NEDD9: variants seen among roughly 807,000 people sequenced by gnomAD.
NEDD9 encodes enhancer of filamentation 1.
A neutral mutation model predicts 76.6 loss-of-function variants in NEDD9; 26 were observed. The observed-to-expected ratio is 0.34, with a 90% CI of 0.25 to 0.47. NEDD9 has a LOEUF of 0.47. NEDD9 is among the 20% of genes least tolerant of loss of function. The probability of loss-of-function intolerance (pLI) is 1.00; values close to 1 mark genes in which losing one functional copy is unlikely to be tolerated. For synonymous variants in NEDD9, 392 were observed against 414.2 expected, an observed-to-expected ratio of 0.95 and a Z score of 0.65; for missense variants, 937 against 1,058.5, an observed-to-expected ratio of 0.89 and a Z score of 1.59.
chr6:11,298,663 T>C (rs1013338386), intron 3 of NEDD9, among the ~76,000 whole-genome samples: 1 of 152,254 alleles, frequency 6.6e-6, no homozygotes, highest in Non-Finnish European at 1.5e-5. Context: ...TGTTTCACTA[T>C]TCATAGAGAA....
intron 2 of NEDD9, among the ~76,000 whole-genome samples, chr6:11,308,771 C>T (rs1250437671): frequency 6.6e-6 from 1 of 152,094 alleles, no homozygotes; most frequent in Non-Finnish European, 1.5e-5. Context: ...TTAAGCCCCA[C>T]AAAAAATTGT....
chr6:11,295,809 C>T (rs1451960811), intron 3 of NEDD9, among the ~76,000 whole-genome samples: 2 of 152,180 alleles, frequency 1.3e-5, no homozygotes, highest in Non-Finnish European at 1.5e-5. Flanking sequence ...GCATGCCAAT[C>T]TCCATCTCAA....
intron 3 of NEDD9, among the ~76,000 whole-genome samples, chr6:11,259,983 C>CA (rs1225821376): frequency 1.3e-5 from 2 of 149,314 alleles, no homozygotes; most frequent in African/African-American, 4.9e-5. Flanking sequence ...ACCACAGAAA[C>CA]AAAGATCCTT....
At chr6:11,202,543 T>A (rs1758480570) in intron 2 of NEDD9, among the ~76,000 whole-genome samples, 1 of 152,218 alleles carries the variant, frequency 6.6e-6, no homozygotes, top group Non-Finnish European at 1.5e-5. Context: ...CTGCTTAAAA[T>A]CCAAGAGTAC....
intron 3 of NEDD9, among the ~76,000 whole-genome samples, chr6:11,292,792 G>C (rs746569745): frequency 6.6e-6 from 1 of 152,176 alleles, no homozygotes; most frequent in Non-Finnish European, 1.5e-5. Context: ...TCATGACAAG[G>C]AGGGAGGTGC....
intron 1 of NEDD9, among the ~76,000 whole-genome samples, chr6:11,360,507 G>C (rs1271741758): frequency 6.6e-6 from 1 of 152,136 alleles, no homozygotes; most frequent in Non-Finnish European, 1.5e-5. Context: ...TGTATCATGG[G>C]GGCAGATTTT....
At chr6:11,308,073 C>T (rs1170978996) in intron 2 of NEDD9, among the ~76,000 whole-genome samples, 3 of 152,140 alleles carry the variant, frequency 2.0e-5, no homozygotes, top group Non-Finnish European at 4.4e-5. Flanking sequence ...GTGGGCTCTT[C>T]CTTAAGTCCT....
At chr6:11,318,565 T>G (rs1450307117) in intron 2 of NEDD9, among the ~76,000 whole-genome samples, 2 of 152,200 alleles carry the variant, frequency 1.3e-5, no homozygotes. Context: ...CTTCCTAGCT[T>G]GGCTTGTTTT....
At chr6:11,277,060 G>C (rs534430478) in intron 3 of NEDD9, among the ~76,000 whole-genome samples, 1 of 131,252 alleles carries the variant, frequency 7.6e-6, no homozygotes, top group South Asian at 2.3e-4. Context: ...TCTGATGCCC[G>C]GGGGGTGCAT....
Position 11,191,027 on chromosome 6 carries a change from C to T in NEDD9, c.842G>A (p.Cys281Tyr), listed in dbSNP as rs747578853. 35 of 1,613,874 alleles carry T rather than the reference C, an allele frequency of 2.2e-5. No homozygotes were observed. The East Asian group carries it at 6.0e-4, about 28-fold the overall frequency. The change falls in exon 5 of 7, where the codon TGT becomes TAT. Residue 281 changes from cysteine to tyrosine, a missense_variant. Physicochemically the swap from Cys to Tyr is radical, Grantham distance 194 (BLOSUM62 -2). Transcript: ENST00000379446. Reference sequence around the variant, plus strand: ...CGGTTCTGCAGCTCCTGGAATGTCACAGTTGTATTTTACATGAAGGTCCTT... The same window carrying T: ...CGGTTCTGCAGCTCCTGGAATGTCATAGTTGTATTTTACATGAAGGTCCTT... ...AGKDLHVKYN[C>Y]DIPGAAEPVA...
rs147511699 is a variant in NEDD9, at chr6:11,294,700, C to G, written c.12+11292G>C. 7.3e-3 allele frequency among the ~76,000 whole-genome samples: 1,105 copies of G among 152,224 alleles called. 7 individuals are homozygous for G. The highest frequency in any genetic ancestry group is 0.015 in the South Asian group (70 of 4,824). ...TCCTACCAACAGTATACGTGGGTTC[C>G]CTTTTCCCATATCCTCACAACACTT... On this transcript the variant is annotated intron_variant, in intron 3 of 3. Transcript: ENST00000397378.
intron 3 of NEDD9, among the ~76,000 whole-genome samples, chr6:11,270,044 G>T (rs972948071): frequency 4.6e-5 from 7 of 152,148 alleles, no homozygotes; most frequent in Non-Finnish European, 1.0e-4. Flanking sequence ...CAGAAGAATT[G>T]CTTGAACCCA....
At chr6:11,319,557 CGG>C (rs1186874342) in intron 2 of NEDD9, among the ~76,000 whole-genome samples, 11 of 119,738 alleles carry the variant, frequency 9.2e-5, no homozygotes, top group African/African-American at 2.0e-4. Context: ...CACTAACATG[CGG>C]ACACACACAC....
Position 11,185,592 on chromosome 6 carries a change from C to T in NEDD9, c.2075G>A (p.Ser692Asn). Residue 692 changes from serine (S) to asparagine (N), a missense_variant, in exon 7 of 7, where the codon AGC becomes AAC. By Grantham distance (46) the Ser-to-Asn change is conservative. Transcript: ENST00000379446. ...NDISKWKPSQSLPTTNSGVSA... is the reference protein window; with the variant it reads ...NDISKWKPSQNLPTTNSGVSA... ...CACGCCACTGTTTGTGGTGGGTAGG[C>T]TCTGAGAGGGCTTCCACTTCGAGAT... The T allele has an allele frequency of 6.2e-7, 1 of 1,614,208 alleles. No individual in the cohort carries two copies. Among genetic ancestry groups the T allele is most frequent in the Non-Finnish European group, 8.5e-7 (1 of 1,180,038 alleles).
At chr6:11,197,101 G>A (rs1426152376) in intron 2 of NEDD9, among the ~76,000 whole-genome samples, 2 of 152,100 alleles carry the variant, frequency 1.3e-5, no homozygotes, top group African/African-American at 4.8e-5. Context: ...CGCACACCAA[G>A]GTCTGGTTAA....
Position 11,190,877 on chromosome 6 carries a change from T to G in NEDD9, c.992A>C (p.Glu331Ala). 1 of 1,614,136 alleles carries G rather than the reference T, an allele frequency of 6.2e-7. No homozygotes were observed. The highest frequency in any genetic ancestry group is 8.5e-7 in the Non-Finnish European group (1 of 1,180,016). The change falls in exon 5 of 7, where the codon GAA becomes GCA. Residue 331 changes from glutamate to alanine, a missense_variant. Physicochemically the swap from Glu to Ala is moderately radical, Grantham distance 107. Transcript: ENST00000379446. The surrounding 1 kb of genome is among the most constrained non-coding windows in gnomAD (Gnocchi z 5.8). ...CTGGGGGTTTGCTTTCTCACTGGTT[T>G]CTGCTGGTGGCTCAAGAAACTGAAC... Reference protein sequence around the residue: ...RGVQFLEPPAETSEKANPQER... With the variant: ...RGVQFLEPPAATSEKANPQER...
chr6:11,210,766 G>GGAGAGAGAGAGAGAGA lies in NEDD9; in HGVS notation c.459+2499_459+2514dup, dbSNP rs147934321. 1.9e-3 allele frequency among the ~76,000 whole-genome samples: 229 copies of GGAGAGAGAGAGAGAGA among 121,912 alleles called. 3 individuals are homozygous for GGAGAGAGAGAGAGAGA. Among genetic ancestry groups the GGAGAGAGAGAGAGAGA allele is most frequent in the East Asian group, 0.012 (45 of 3,804 alleles). The allele number at this position is 121,912 out of a possible 152,430, so 80.0% of individuals were successfully genotyped here. A position where few individuals can be genotyped will look rare whatever the true frequency, so the allele number is the denominator to read the frequency against. ...GAGAGGGAAGGAGGGAGGGATGGGGGGAGAGAGAGAGAGAGAGAGAGAGAG... is the reference window on the plus strand; with the variant it reads ...GAGAGGGAAGGAGGGAGGGATGGGGGGAGAGAGAGAGAGAGAGAGAGAGAGAGAGAGAGAGAGAGAG... On this transcript the variant is annotated intron_variant, in intron 2 of 6. Coordinates refer to ENST00000379446, the MANE Select transcript of NEDD9 (RefSeq NM_006403.4).
intron 1 of NEDD9, among the ~76,000 whole-genome samples, chr6:11,369,658 A>G (rs1762828224): frequency 6.6e-6 from 1 of 152,252 alleles, no homozygotes; most frequent in South Asian, 2.1e-4. Flanking sequence ...ACATTTAAAA[A>G]TATTTGGGAG....
chr6:11,301,287 T>G (rs1761039124), intron 3 of NEDD9, among the ~76,000 whole-genome samples: 1 of 152,064 alleles, frequency 6.6e-6, no homozygotes, highest in Admixed American at 6.6e-5. Context: ...CACATAATGG[T>G]AAGGGGATCA....
Sources: gnomAD v4.1 joint callset for allele counts (sites outside exome capture counted in the v4.1 genomes callset) on GRCh38, gnomAD v4.1.1 for gene constraint, Gnocchi (gnomAD v3.1) non-coding constraint, MANE v1.5 for transcripts, NCBI Gene and HGNC (gene_info 2026-07-23, HGNC 2026-07-21) for gene names.